Variants in CNTLN observed in about 807,000 individuals in gnomAD.
The protein encoded by CNTLN is centlein, centrosomal protein.
Under a neutral mutation model 180.0 loss-of-function variants are expected in CNTLN, and 212 were observed. The observed-to-expected ratio is 1.18, with a 90% confidence interval of 1.05 to 1.32. The LOEUF (loss-of-function observed/expected upper bound fraction) is 1.32, where lower values mean the gene tolerates loss of function less well. Among genes scored for constraint, CNTLN ranks in the 40% most tolerant of loss-of-function variants. The pLI, the probability that CNTLN is intolerant of heterozygous loss-of-function variation, is 0.00. For synonymous variants in CNTLN, 722 were observed against 563.1 expected, an observed-to-expected ratio of 1.28 and a Z score of -3.99; for missense variants, 2,095 against 1,610.9, an observed-to-expected ratio of 1.30 and a Z score of -5.14.
chr9:17,487,810 C>T lies in CNTLN; in HGVS notation c.4119+744C>T, dbSNP rs16935710. On this transcript the variant is annotated intron_variant, in intron 25 of 25. Transcript: ENST00000380647. ...AATACACATATAGTCTGCTGGGATG[C>T]GCCCCTCTTGTAAGTGATCAAGGGC... 8.5e-3 allele frequency among the ~76,000 whole-genome samples: 1,289 copies of T among 152,160 alleles called. 13 individuals are homozygous for T. The highest frequency in any genetic ancestry group is 0.013 in the Non-Finnish European group (897 of 68,000).
In CNTLN at chr9:17,279,035, C is replaced by T. The variant is rs142198217; in HGVS notation, c.983+5169C>T. ...AATTATTTTTTCTCTATAAGGAACACTATCTTTCTAAAACTAAGAACAAAC... is the reference window on the plus strand; with the variant it reads ...AATTATTTTTTCTCTATAAGGAACATTATCTTTCTAAAACTAAGAACAAAC... On this transcript the variant is annotated intron_variant, in intron 6 of 25. Transcript: ENST00000380647. 9.8e-4 allele frequency among the ~76,000 whole-genome samples: 144 copies of T among 146,570 alleles called. No homozygotes were observed. In the Middle Eastern group the frequency reaches 0.036, roughly 36 times the overall value.
rs185362808 is a variant in CNTLN at position 17,392,925 on chromosome 9, A to T, written c.2080-1609A>T. Among the ~76,000 whole-genome samples the T allele has an allele frequency of 1.3e-3, 203 of 152,162 alleles. 1 individual carries two copies. Among genetic ancestry groups the T allele is most frequent in the Admixed American group, 3.5e-3 (54 of 15,282 alleles). On this transcript the variant is annotated intron_variant, in intron 14 of 25. Transcript: ENST00000380647. ...AAACTGGAAAGTGTTAAGAATATGT[A>T]TGTTTTATCTTGTATATTTCTGGAA... is the stretch of plus-strand genomic sequence containing the variant.
intron 7 of CNTLN, among the ~76,000 whole-genome samples, chr9:17,307,398 A>T (rs1427959566): frequency 6.6e-6 from 1 of 151,994 alleles, no homozygotes; most frequent in Non-Finnish European, 1.5e-5. Context: ...CCTTCCAAGT[A>T]GCTGGGACTA....
rs757690499 is a variant in CNTLN at position 17,502,579 on chromosome 9, C to G, written c.4148C>G (p.Ala1383Gly). The G allele has an allele frequency of 1.9e-5, 26 of 1,402,958 alleles. No homozygotes were observed. The highest frequency in any genetic ancestry group is 3.0e-5 in the African/African-American group (2 of 67,530). 86.9% of individuals were successfully genotyped at this position (1,402,958 alleles called of 1,614,324 possible). Reference sequence around the variant, plus strand: ...CCTTTTGCCTCATATTTACTAGAAGCAGTACTGGAAAAAATAAATGAAAAA... The same window carrying G: ...CCTTTTGCCTCATATTTACTAGAAGGAGTACTGGAAAAAATAAATGAAAAA... Reference protein sequence around the residue: ...QLPFASYLLEAVLEKINEKKK... With the variant: ...QLPFASYLLEGVLEKINEKKK... The change falls in exon 26 of 26, where the codon GCA becomes GGA. Residue 1383 changes from alanine to glycine, a missense_variant. Physicochemically the swap from Ala to Gly is moderately conservative, Grantham distance 60. Coordinates refer to ENST00000380647, the MANE Select transcript of CNTLN (RefSeq NM_017738.4).
At chr9:17,251,378 C>A (rs1826130318) in intron 5 of CNTLN, among the ~76,000 whole-genome samples, 1 of 151,854 alleles carries the variant, frequency 6.6e-6, no homozygotes, top group South Asian at 2.1e-4. Flanking sequence ...TTGGGATTCC[C>A]ATAATATGTG....
chr9:17,409,210 A>G, intron 15 of CNTLN, 83 bp from the exon 16 acceptor site: 2 of 1,281,924 alleles, frequency 1.6e-6, no homozygotes, highest in South Asian at 1.3e-5. Context: ...CTATGCTAAA[A>G]TATTATTTGG....
rs964466117 is a variant in CNTLN at position 17,258,320 on chromosome 9, C to G, written c.850-15413C>G. ...CGGCGTTATTTCTGAGGGCTCTGTT[C>G]TGTTCCATTGATCTATATCTCTGTT... On this transcript the variant is annotated intron_variant, in intron 5 of 25. Coordinates refer to ENST00000380647, the MANE Select transcript of CNTLN (RefSeq NM_017738.4). 4.7e-5 allele frequency among the ~76,000 whole-genome samples: 7 copies of G among 148,536 alleles called. 1 individual carries two copies. The highest frequency in any genetic ancestry group is 1.0e-4 in the Non-Finnish European group (7 of 67,598).
chr9:17,312,414 T>C (rs193003826), intron 8 of CNTLN, among the ~76,000 whole-genome samples: 2,010 of 138,500 alleles, frequency 0.015, 53 homozygotes, highest in African/African-American at 0.049. Flanking sequence ...TGATACAGAG[T>C]CTCACTCTGT....
chr9:17,317,598 A>T (rs1819616434), intron 8 of CNTLN, among the ~76,000 whole-genome samples: 1 of 152,158 alleles, frequency 6.6e-6, no homozygotes, highest in Admixed American at 6.6e-5. Context: ...CTATGGAGAA[A>T]AATAATACAG....
At chr9:17,301,111 T>C (rs1818313594) in intron 7 of CNTLN, 1 of 985,252 alleles carries the variant, frequency 1.0e-6, no homozygotes, top group Non-Finnish European at 1.2e-6. Context: ...CAGTAATACT[T>C]TGCTGAGAAG....
intron 16 of CNTLN, among the ~76,000 whole-genome samples, chr9:17,411,221 A>G (rs1298157509): frequency 6.6e-6 from 1 of 152,114 alleles, no homozygotes; most frequent in Non-Finnish European, 1.5e-5. Context: ...TCCCCAACCT[A>G]GAAACCTCAG....
At chr9:17,329,373 G>T (rs886508414) in intron 8 of CNTLN, among the ~76,000 whole-genome samples, 2 of 152,080 alleles carry the variant, frequency 1.3e-5, no homozygotes, top group African/African-American at 4.8e-5. Context: ...TTAAAATGGG[G>T]ATAAAAGAAT....
At chr9:17,312,278 AT>A (rs1819182655) in intron 8 of CNTLN, among the ~76,000 whole-genome samples, 2 of 146,966 alleles carry the variant, frequency 1.4e-5, no homozygotes, top group African/African-American at 5.0e-5. Context: ...TTCCTGTTTT[AT>A]TGTTACTGAC....
intron 18 of CNTLN, among the ~76,000 whole-genome samples, chr9:17,439,749 G>A (rs1564107602): frequency 6.6e-6 from 1 of 152,152 alleles, no homozygotes; most frequent in Non-Finnish European, 1.5e-5. Context: ...AATTAGTTAG[G>A]GTTACATTAG....
At chr9:17,427,668 G>C (rs1255815794) in intron 18 of CNTLN, among the ~76,000 whole-genome samples, 1 of 152,008 alleles carries the variant, frequency 6.6e-6, no homozygotes, top group African/African-American at 2.4e-5. Context: ...TCATGATTCT[G>C]TGTATTTGGT....
intron 5 of CNTLN, among the ~76,000 whole-genome samples, chr9:17,266,949 G>C (rs1204201699): frequency 6.6e-6 from 1 of 152,078 alleles, no homozygotes; most frequent in Non-Finnish European, 1.5e-5. Flanking sequence ...CATGAGATGG[G>C]TTTCCTGAAT....
chr9:17,171,695 G>A (rs1278367694), intron 2 of CNTLN, among the ~76,000 whole-genome samples: 2 of 152,054 alleles, frequency 1.3e-5, no homozygotes, highest in African/African-American at 4.8e-5. Flanking sequence ...TGACTCCAGG[G>A]TCTGGGGTAG....
chr9:17,214,775 C>G (rs1823610031), intron 2 of CNTLN, among the ~76,000 whole-genome samples: 1 of 152,104 alleles, frequency 6.6e-6, no homozygotes, highest in African/African-American at 2.4e-5. Flanking sequence ...TTTCTCTAAA[C>G]TTCTCTTCTC....
intron 5 of CNTLN, among the ~76,000 whole-genome samples, chr9:17,254,830 A>T (rs967941136): frequency 6.6e-6 from 1 of 151,646 alleles, no homozygotes; most frequent in Non-Finnish European, 1.5e-5. Context: ...AAAAAGTGTC[A>T]TTGGGATATT....
Sources: gnomAD v4.1 joint callset for allele counts (sites outside exome capture counted in the v4.1 genomes callset) on GRCh38, gnomAD v4.1.1 for gene constraint, MANE v1.5 for transcripts, NCBI Gene and HGNC (gene_info 2026-07-23, HGNC 2026-07-21) for gene names.